METAP1D: variants seen among roughly 807,000 people sequenced by gnomAD.
METAP1D encodes methionyl aminopeptidase type 1D, mitochondrial, also known as methionine aminopeptidase 1D, mitochondrial.
A neutral mutation model predicts 40.5 loss-of-function variants in METAP1D; 31 were observed. The observed-to-expected ratio is 0.77, with a 90% CI of 0.58 to 1.03. METAP1D has a LOEUF of 1.03. METAP1D is among the 50% of genes least tolerant of loss of function. The pLI, the probability that METAP1D is intolerant of heterozygous loss-of-function variation, is 0.00. For synonymous variants in METAP1D, 151 were observed against 146.4 expected (o/e 1.03, Z -0.22); for missense variants, 411 against 420.7 (o/e 0.98, Z 0.20).
At chr2:172,040,776 TCG>T (rs1689501425) in intron 1 of METAP1D, among the ~76,000 whole-genome samples, 1 of 130,236 alleles carries the variant, frequency 7.7e-6, no homozygotes, top group South Asian at 2.6e-4. Flanking sequence ...AGATGGAGTC[TCG>T]CTCTCTCTCC....
In METAP1D at chr2:172,042,649, A is replaced by ATATGTGTACACATATACATGTGTG. The variant is rs1689604807; in HGVS notation, c.41-18848_41-18847insATGTGTACACATATACATGTGTGT. 8.9e-5 allele frequency among the ~76,000 whole-genome samples: 4 copies of ATATGTGTACACATATACATGTGTG among 44,760 alleles called. 2 individuals are homozygous for ATATGTGTACACATATACATGTGTG. Among genetic ancestry groups the ATATGTGTACACATATACATGTGTG allele is most frequent in the African/African-American group, 3.2e-4 (4 of 12,318 alleles). 29.4% of individuals were successfully genotyped at this position (44,760 alleles called of 152,430 possible). ...TGTGTACACATATACATATGTGTGT[A>ATATGTGTACACATATACATGTGTG]TGTGTATATGTGTACACATATACGT... is the stretch of plus-strand genomic sequence containing the variant. On this transcript the variant is annotated intron_variant, in intron 1 of 9. Coordinates refer to ENST00000315796, the MANE Select transcript of METAP1D (RefSeq NM_199227.3).
At chr2:172,013,040 CTT>C (rs1688765682) in intron 1 of METAP1D, among the ~76,000 whole-genome samples, 1 of 152,182 alleles carries the variant, frequency 6.6e-6, no homozygotes, top group South Asian at 2.1e-4. Context: ...ATCAGTAACT[CTT>C]AACAGGGGAT....
rs1193687992 is a variant in METAP1D, at chr2:172,065,211, A to T, written c.349-393A>T. ...TTTCAAGCTTTTCAAGGTTCAACTG[A>T]TGAACCTTTTGAGCATTTATTCACA... On this transcript the variant is annotated intron_variant, in intron 3 of 9. Coordinates refer to ENST00000315796, the MANE Select transcript of METAP1D (RefSeq NM_199227.3). 2.0e-5 allele frequency among the ~76,000 whole-genome samples: 3 copies of T among 152,222 alleles called. No homozygotes were observed. The South Asian group carries it at 6.2e-4, about 32-fold the overall frequency.
chr2:172,077,720 A>C (rs3796058), intron 6 of METAP1D, 77 bp from the exon 7 acceptor site: 132,732 of 643,662 alleles, frequency 0.21, 16,122 homozygotes, highest in East Asian at 0.49. Context: ...AGAATATTTT[A>C]AAGTGACTTT....
intron 1 of METAP1D, among the ~76,000 whole-genome samples, chr2:172,015,097 AT>A (rs1472374746): frequency 1.3e-5 from 2 of 152,218 alleles, no homozygotes; most frequent in Non-Finnish European, 2.9e-5. Context: ...TAGCCACAAA[AT>A]TTCATACCCT....
chr2:172,070,767 C>T lies in METAP1D; in HGVS notation c.541-140C>T, dbSNP rs1690400829. The T allele has an allele frequency of 1.7e-5, 11 of 638,706 alleles. No individual in the cohort carries two copies. In the East Asian group the frequency reaches 3.7e-4, roughly 21 times the overall value. 39.6% of individuals were successfully genotyped at this position (638,706 alleles called of 1,614,324 possible). On this transcript the variant is annotated intron_variant, in intron 5 of 9. Coordinates refer to ENST00000315796, the MANE Select transcript of METAP1D (RefSeq NM_199227.3). ...CTGCAAGGTTTCAATATATCTATTT[C>T]TTCTTTTTTTGATAGGCAAATGAAT... is the stretch of plus-strand genomic sequence containing the variant.
In METAP1D at chr2:172,077,903, G is replaced by C; in HGVS notation, c.802+9G>C. On this transcript the variant is annotated intron_variant, in intron 7 of 9. Coordinates refer to ENST00000315796, the MANE Select transcript of METAP1D (RefSeq NM_199227.3). ...AGAAATTTGGCATCATGGTAAGAAA[G>C]TTCATTTGGAGGCTGTTTCTTGATC... The C allele has an allele frequency of 6.7e-7, 1 of 1,501,236 alleles. No individual in the cohort carries two copies. Among genetic ancestry groups the C allele is most frequent in the Middle Eastern group, 1.7e-4 (1 of 5,846 alleles). The allele number at this position is 1,501,236 out of a possible 1,614,324, so 93.0% of individuals were successfully genotyped here. A position where few individuals can be genotyped will look rare whatever the true frequency, so the allele number is the denominator to read the frequency against.
intron 1 of METAP1D, among the ~76,000 whole-genome samples, chr2:172,056,762 C>T (rs994600431): frequency 3.9e-5 from 6 of 152,184 alleles, no homozygotes; most frequent in African/African-American, 7.2e-5. Context: ...CACATCAGCT[C>T]GTGGTAGGGA....
intron 1 of METAP1D, among the ~76,000 whole-genome samples, chr2:172,002,714 A>G (rs1688493870): frequency 6.6e-6 from 1 of 152,142 alleles, no homozygotes; most frequent in African/African-American, 2.4e-5. Flanking sequence ...TTGAAAATGA[A>G]GGGTAAATTC....
chr2:172,012,947 G>A (rs1483027464), intron 1 of METAP1D, among the ~76,000 whole-genome samples: 1 of 152,154 alleles, frequency 6.6e-6, no homozygotes, highest in African/African-American at 2.4e-5. Flanking sequence ...TGTTCGGTAT[G>A]TGTCAAATGT....
At chr2:172,063,368 G>C (rs1690178497) in intron 2 of METAP1D, among the ~76,000 whole-genome samples, 1 of 152,176 alleles carries the variant, frequency 6.6e-6, no homozygotes, top group African/African-American at 2.4e-5. Flanking sequence ...TGGAAGCTTG[G>C]TGCTATTTTT....
intron 1 of METAP1D, among the ~76,000 whole-genome samples, chr2:172,050,504 T>C (rs1689864468): frequency 6.6e-6 from 1 of 152,196 alleles, no homozygotes; most frequent in Non-Finnish European, 1.5e-5. Flanking sequence ...GTGTGATTCC[T>C]ATGAAATTGC....
At chr2:172,033,820 G>A (rs1355854572) in intron 1 of METAP1D, among the ~76,000 whole-genome samples, 2 of 151,420 alleles carry the variant, frequency 1.3e-5, no homozygotes, top group Admixed American at 6.6e-5. Context: ...GGTGGCTCAC[G>A]GCCTCCAGCA....
chr2:172,037,219 G>C (rs530760756), intron 1 of METAP1D, among the ~76,000 whole-genome samples: 1 of 151,786 alleles, frequency 6.6e-6, no homozygotes, highest in African/African-American at 2.4e-5. Flanking sequence ...CCAAAATCGT[G>C]CCGTTGCACT....
At chr2:172,044,682 G>A (rs1689696383) in intron 1 of METAP1D, among the ~76,000 whole-genome samples, 1 of 134,856 alleles carries the variant, frequency 7.4e-6, no homozygotes, top group African/African-American at 2.5e-5. Flanking sequence ...CGAGGAGGGT[G>A]GATCACTTGA....
chr2:172,066,092 A>C (rs1278298645), intron 4 of METAP1D, among the ~76,000 whole-genome samples, 172 bp from the exon 5 acceptor site: 1 of 152,244 alleles, frequency 6.6e-6, no homozygotes, highest in African/African-American at 2.4e-5. Flanking sequence ...GTAATAAATT[A>C]AGTGCATCTT....
In METAP1D at chr2:172,080,818, A is replaced by G. The variant is rs2105509540; in HGVS notation, c.*412A>G. On this transcript the variant is annotated 3_prime_UTR_variant, in exon 10 of 10. Coordinates refer to ENST00000315796, the MANE Select transcript of METAP1D (RefSeq NM_199227.3). ...CAGTTACAGTGATCTTTGTATCTGA[A>G]CTTTGCACGTCTGCCGAAAAATCCG... is the stretch of plus-strand genomic sequence containing the variant. 4.6e-6 allele frequency: 1 copy of G among 219,480 alleles called. No individual in the cohort carries two copies. Among genetic ancestry groups the G allele is most frequent in the Non-Finnish European group, 9.1e-6 (1 of 109,406 alleles). 13.6% of individuals were successfully genotyped at this position (219,480 alleles called of 1,614,324 possible). A position where few individuals can be genotyped will look rare whatever the true frequency, so the allele number is the denominator to read the frequency against.
At chr2:172,036,782 GT>G (rs1381693118) in intron 1 of METAP1D, among the ~76,000 whole-genome samples, 1 of 152,170 alleles carries the variant, frequency 6.6e-6, no homozygotes, top group Non-Finnish European at 1.5e-5. Flanking sequence ...TTGACAGGCA[GT>G]TTTCCAAGGT....
chr2:172,055,260 A>G (rs1270899563), intron 1 of METAP1D, among the ~76,000 whole-genome samples: 1 of 135,012 alleles, frequency 7.4e-6, no homozygotes, highest in Non-Finnish European at 1.7e-5. Context: ...GTCATCATGC[A>G]TCAAATTTGT....
Sources: allele counts gnomAD v4.1 joint callset (sites outside exome capture counted in the v4.1 genomes callset), GRCh38; gene constraint gnomAD v4.1.1; transcripts MANE v1.5; gene names NCBI Gene and HGNC (gene_info 2026-07-23, HGNC 2026-07-21).